Variants in TASL observed in about 807,000 individuals in gnomAD.
The protein encoded by TASL is TLR adaptor interacting with endolysosomal SLC15A4.
TASL carries 6 observed loss-of-function variants against 12.9 expected under a neutral mutation model. The observed-to-expected ratio is 0.46, with a 90% confidence interval of 0.25 to 0.92. The LOEUF (loss-of-function observed/expected upper bound fraction) is 0.92, where lower values mean the gene tolerates loss of function less well. TASL is among the 40% of genes least tolerant of loss of function. The pLI, the probability that TASL is intolerant of heterozygous loss-of-function variation, is 0.17. For synonymous variants in TASL, 85 were observed against 79.3 expected (o/e 1.07, Z -0.38); for missense variants, 165 against 212.8 (o/e 0.78, Z 1.40).
chrX:30,571,989 T>C (rs1025393378), intron 2 of TASL, among the ~76,000 whole-genome samples: 2 of 110,416 alleles, frequency 1.8e-5, no homozygotes, highest in African/African-American at 3.3e-5. Context: ...TATATATATA[T>C]AAAGCTATAT....
chrX:30,565,839 C>T (rs191122772), intron 2 of TASL, among the ~76,000 whole-genome samples: 1 of 109,248 alleles, frequency 9.2e-6, no homozygotes, highest in African/African-American at 3.3e-5. Flanking sequence ...GGTGTGATCT[C>T]GGCTCACTGT....
At chrX:30,576,506 G>A (rs1930707262) in intron 2 of TASL, among the ~76,000 whole-genome samples, 1 of 111,322 alleles carries the variant, frequency 9.0e-6, no homozygotes. Context: ...ATGGGTGTTC[G>A]TTGTACTATT....
rs58163494 is a variant in TASL at position 30,571,256 on chromosome X, G to GAGAAAGAAAGAAAGAA, written c.-2+5480_-2+5495dup. On this transcript the variant is annotated intron_variant, in intron 2 of 2. Coordinates refer to ENST00000378962, the MANE Select transcript of TASL (RefSeq NM_025159.3). ...GGAAGGAAGGAAAAAGAGAAAGAAA[G>GAGAAAGAAAGAAAGAA]AGAAAGAAAGAAAGAAAGAAAGAAA... Among the ~76,000 whole-genome samples, 33 of 36,806 alleles carry GAGAAAGAAAGAAAGAA rather than the reference G, an allele frequency of 9.0e-4. 1 individual carries two copies. The highest frequency in any genetic ancestry group is 1.9e-3 in the African/African-American group (14 of 7,386). The allele number at this position is 36,806 out of a possible 115,157, so 32.0% of individuals were successfully genotyped here.
intron 2 of TASL, among the ~76,000 whole-genome samples, chrX:30,567,618 T>TA (rs1408844562): frequency 9.0e-6 from 1 of 111,524 alleles, no homozygotes; most frequent in African/African-American, 3.3e-5. Flanking sequence ...CCACTCTGTA[T>TA]AGTGAGAGGA....
chrX:30,562,379 GAGC>G (rs1375479150), intron 2 of TASL, among the ~76,000 whole-genome samples: 1 of 111,747 alleles, frequency 8.9e-6, no homozygotes, highest in South Asian at 3.7e-4. Context: ...CATGGTGCAG[GAGC>G]AGAAGGAGAG....
intron 2 of TASL, among the ~76,000 whole-genome samples, chrX:30,562,971 TACA>T (rs1420534098): frequency 5.0e-5 from 5 of 100,366 alleles, no homozygotes; most frequent in South Asian, 4.5e-4. Flanking sequence ...AAGAGACCAG[TACA>T]ACAACATTTT....
chrX:30,576,569 G>A (rs1052801685), intron 2 of TASL, among the ~76,000 whole-genome samples, 183 bp downstream of exon 2: 11 of 110,845 alleles, frequency 9.9e-5, no homozygotes, highest in Non-Finnish European at 1.9e-4. Context: ...TTGGGAGGGG[G>A]AAAAAACCAT....
intron 2 of TASL, among the ~76,000 whole-genome samples, chrX:30,573,948 A>C: frequency 8.9e-6 from 1 of 111,789 alleles, no homozygotes; most frequent in Non-Finnish European, 1.9e-5. Context: ...TTAAATAAAT[A>C]AACAAATAAT....
chrX:30,575,194 T>C (rs1332782906), intron 2 of TASL, among the ~76,000 whole-genome samples: 2 of 111,733 alleles, frequency 1.8e-5, no homozygotes, highest in African/African-American at 6.5e-5. Flanking sequence ...TGTAAACTTT[T>C]TAAGACTTTC....
chrX:30,559,488 T>C lies in TASL; in HGVS notation c.868A>G (p.Ser290Gly). Residue 290 changes from serine to glycine, a missense_variant, in exon 3 of 3, where the codon AGT becomes GGT. By Grantham distance (56) the Ser-to-Gly change is moderately conservative. Transcript: ENST00000378962. ...STEITEISTP[S>G]LHISQYSNVN... Reference sequence around the variant, plus strand: ...TTGCTATACTGAGAAATATGGAGACTAGGAGTGCTAATTTCAGTAATTTCA... The same window carrying C: ...TTGCTATACTGAGAAATATGGAGACCAGGAGTGCTAATTTCAGTAATTTCA... 1 of 1,202,357 alleles carries C rather than the reference T, an allele frequency of 8.3e-7. No individual in the cohort carries two copies. Among genetic ancestry groups the C allele is most frequent in the East Asian group, 3.0e-5 (1 of 33,833 alleles).
At chrX:30,563,088 C>A (rs1301125264) in intron 2 of TASL, among the ~76,000 whole-genome samples, 1 of 111,520 alleles carries the variant, frequency 9.0e-6, no homozygotes. Context: ...CCACCCAAAT[C>A]TCATCTTGAA....
At chrX:30,577,156 G>C (rs762964976) in intron 1 of TASL, among the ~76,000 whole-genome samples, 1 of 111,766 alleles carries the variant, frequency 8.9e-6, no homozygotes, top group South Asian at 3.7e-4. Flanking sequence ...ATAATTGAGA[G>C]TCAAATCCAA....
At chrX:30,563,308 T>G (rs931104010) in intron 2 of TASL, among the ~76,000 whole-genome samples, 11 of 112,021 alleles carry the variant, frequency 9.8e-5, no homozygotes, top group African/African-American at 3.6e-4. Context: ...TTGTGTTTCC[T>G]GAGGCTCCCC....
At chrX:30,569,104 G>C (rs1344474893) in intron 2 of TASL, among the ~76,000 whole-genome samples, 1 of 111,236 alleles carries the variant, frequency 9.0e-6, no homozygotes, top group African/African-American at 3.3e-5. Flanking sequence ...CGTTCTGGCA[G>C]GTAAGGAAGC....
intron 2 of TASL, among the ~76,000 whole-genome samples, chrX:30,571,814 T>C (rs1184396966): frequency 1.8e-5 from 2 of 110,986 alleles, no homozygotes; most frequent in African/African-American, 6.5e-5. Flanking sequence ...TAATAAGATA[T>C]CACTGGGTCT....
intron 2 of TASL, among the ~76,000 whole-genome samples, chrX:30,565,759 A>AT (rs1216877046): frequency 1.3e-4 from 14 of 111,080 alleles, no homozygotes; most frequent in Non-Finnish European, 9.5e-5. Flanking sequence ...TAACTGCAGT[A>AT]TTTTTTTTGT....
At chrX:30,574,380 T>C (rs961252697) in intron 2 of TASL, among the ~76,000 whole-genome samples, 9 of 111,867 alleles carry the variant, frequency 8.0e-5, no homozygotes, top group African/African-American at 2.9e-4. Context: ...GATAAATCAC[T>C]GGAATAGTCT....
intron 2 of TASL, among the ~76,000 whole-genome samples, chrX:30,568,110 C>T (rs576762921): frequency 2.7e-5 from 3 of 110,644 alleles, no homozygotes; most frequent in Middle Eastern, 4.6e-3. Flanking sequence ...TGGTGGCAGA[C>T]GCCTGTAATC....
intron 2 of TASL, among the ~76,000 whole-genome samples, chrX:30,562,734 T>A (rs937247648): frequency 1.8e-5 from 2 of 110,733 alleles, no homozygotes; most frequent in Non-Finnish European, 3.8e-5. Context: ...CAGTGAGTAC[T>A]TTCCCACCAC....
Sources: allele counts gnomAD v4.1 joint callset (sites outside exome capture counted in the v4.1 genomes callset), GRCh38; gene constraint gnomAD v4.1.1; transcripts MANE v1.5; gene names NCBI Gene and HGNC (gene_info 2026-07-23, HGNC 2026-07-21).